Variants in CTH observed in about 807,000 individuals in gnomAD.
The protein encoded by CTH is cystathionase (cystathionine gamma-lyase).
In CTH, 41 loss-of-function variants were observed where a neutral mutation model predicts 50.6. The observed-to-expected ratio is 0.81, with a 90% CI of 0.63 to 1.05. CTH has a LOEUF of 1.05. Ranked by LOEUF, CTH falls within the 50% of genes least tolerant of loss-of-function variation. CTH has a pLI of 0.00. For missense variants in CTH, 470 were observed against 492.6 expected (o/e 0.95, Z 0.43); for synonymous variants, 156 against 168.9 (o/e 0.92, Z 0.59).
At chr1:70,429,726 A>C in intron 5 of CTH, 68 bp from the exon 6 acceptor site, 1 of 1,089,412 alleles carries the variant, frequency 9.2e-7, no homozygotes, top group Admixed American at 1.8e-5. Context: ...TTATAATTGC[A>C]AATAGGCAGG....
chr1:70,425,773 A>C (rs1684334137), intron 5 of CTH, among the ~76,000 whole-genome samples: 1 of 152,074 alleles, frequency 6.6e-6, no homozygotes, highest in South Asian at 2.1e-4. Flanking sequence ...ACAAGAACTC[A>C]CTCACAATTG....
At chr1:70,414,230 C>T (rs1684038691) in intron 1 of CTH, among the ~76,000 whole-genome samples, 1 of 150,376 alleles carries the variant, frequency 6.6e-6, no homozygotes, top group East Asian at 2.0e-4. Flanking sequence ...TATGTCTGCT[C>T]AGGTTGGGCG....
chr1:70,421,789 T>C (rs888546871), intron 4 of CTH, 114 bp downstream of exon 4: 1 of 1,083,380 alleles, frequency 9.2e-7, no homozygotes, highest in Non-Finnish European at 1.4e-6. Flanking sequence ...TTTTATGCCA[T>C]TGGAAACATC....
rs1490541118 is a variant in CTH at position 70,411,746 on chromosome 1, A to G, written c.168+163A>G. On this transcript the variant is annotated intron_variant, in intron 1 of 11. Coordinates refer to ENST00000370938, the MANE Select transcript of CTH (RefSeq NM_001902.6). ...TTCTTGCAGCACAGCTTTGTATCGG[A>G]TGGTCCAGTGATCGTATTTCTTTTG... 3.3e-6 allele frequency: 3 copies of G among 906,114 alleles called. No homozygotes were observed. In the African/African-American group the frequency reaches 5.4e-5, roughly 16 times the overall value. The allele number at this position is 906,114 out of a possible 1,614,324, so 56.1% of individuals were successfully genotyped here.
At chr1:70,415,491 A>G (rs1435200371) in intron 1 of CTH, among the ~76,000 whole-genome samples, 1 of 152,222 alleles carries the variant, frequency 6.6e-6, no homozygotes, top group African/African-American at 2.4e-5. Flanking sequence ...TGGCTCATGC[A>G]AGTCCCTTTT....
rs1168674927 is a variant in CTH at position 70,411,311 on chromosome 1, G to A, written c.-105G>A. The A allele has an allele frequency of 5.1e-6, 6 of 1,176,510 alleles. No individual in the cohort carries two copies. The highest frequency in any genetic ancestry group is 7.7e-6 in the Non-Finnish European group (6 of 781,466). 72.9% of individuals were successfully genotyped at this position (1,176,510 alleles called of 1,614,324 possible). On this transcript the variant is annotated 5_prime_UTR_variant, in exon 1 of 12. Coordinates refer to ENST00000370938, the MANE Select transcript of CTH (RefSeq NM_001902.6). ...CCGTCGGCTCTACCTGCGTGCTTTA[G>A]CTCCTTCTCGCCTGATCCTTCTGTC...
chr1:70,419,843 A>G (rs988714210), intron 3 of CTH, among the ~76,000 whole-genome samples: 1 of 152,260 alleles, frequency 6.6e-6, no homozygotes, highest in Non-Finnish European at 1.5e-5. Flanking sequence ...TTGTGAATAT[A>G]CATATACATA....
At chr1:70,416,142 A>G (rs1009492732) in intron 2 of CTH, 105 bp downstream of exon 2, 15 of 757,372 alleles carry the variant, frequency 2.0e-5, no homozygotes, top group African/African-American at 1.7e-5. Context: ...TGCTAGTTCA[A>G]AATTCCTGTT....
At chr1:70,413,822 T>G (rs61782717) in intron 1 of CTH, among the ~76,000 whole-genome samples, 5,180 of 146,462 alleles carry the variant, frequency 0.035, 127 homozygotes, top group South Asian at 0.12. Flanking sequence ...GCCCACTGCA[T>G]CCTCCACCTC....
chr1:70,419,148 A>G (rs139903427), intron 3 of CTH, among the ~76,000 whole-genome samples: 3,468 of 152,160 alleles, frequency 0.023, 135 homozygotes, highest in African/African-American at 0.079. Flanking sequence ...TACAAAGGAC[A>G]TGAACTCATC....
intron 5 of CTH, among the ~76,000 whole-genome samples, chr1:70,426,061 C>T (rs1446023912): frequency 3.3e-5 from 5 of 152,166 alleles, no homozygotes; most frequent in East Asian, 1.9e-4. Context: ...AGATTTCTTT[C>T]GCTACCTAGC....
At chr1:70,415,206 G>T (rs1032425607) in intron 1 of CTH, among the ~76,000 whole-genome samples, 4 of 152,146 alleles carry the variant, frequency 2.6e-5, no homozygotes, top group Non-Finnish European at 4.4e-5. Flanking sequence ...TTCAAGACCA[G>T]CCTGGGCAAC....
intron 2 of CTH, among the ~76,000 whole-genome samples, chr1:70,416,273 A>G (rs1684090098): frequency 6.6e-6 from 1 of 152,222 alleles, no homozygotes; most frequent in Non-Finnish European, 1.5e-5. Flanking sequence ...ATTCACACGA[A>G]TACTACATTT....
At chr1:70,417,260 T>G (rs1396863404) in intron 2 of CTH, among the ~76,000 whole-genome samples, 2 of 152,060 alleles carry the variant, frequency 1.3e-5, no homozygotes, top group Admixed American at 6.6e-5. Context: ...ATCTTTGCTC[T>G]ATTCTTTATG....
intron 6 of CTH, among the ~76,000 whole-genome samples, 197 bp downstream of exon 6, chr1:70,430,048 G>C (rs1219677715): frequency 6.6e-6 from 1 of 152,110 alleles, no homozygotes; most frequent in African/African-American, 2.4e-5. Context: ...TATGAGAAGA[G>C]GATTAAAGTT....
At chr1:70,428,194 G>A (rs12133065) in intron 5 of CTH, among the ~76,000 whole-genome samples, 32,864 of 152,062 alleles carry the variant, frequency 0.22, 4,062 homozygotes, top group Admixed American at 0.32. Flanking sequence ...TCTCATAGAA[G>A]TAGTGAATAG....
At chr1:70,420,795 T>C (rs1684203027) in intron 3 of CTH, among the ~76,000 whole-genome samples, 1 of 152,188 alleles carries the variant, frequency 6.6e-6, no homozygotes, top group Non-Finnish European at 1.5e-5. Context: ...TATAAAAGTC[T>C]CATGGCAAAC....
chr1:70,428,329 A>G (rs1684392354), intron 5 of CTH, among the ~76,000 whole-genome samples: 1 of 152,152 alleles, frequency 6.6e-6, no homozygotes, highest in Non-Finnish European at 1.5e-5. Flanking sequence ...CTACTGCACA[A>G]AAGGATGATC....
intron 3 of CTH, 125 bp downstream of exon 3, chr1:70,418,157 A>G (rs1145920): frequency 0.76 from 874,659 of 1,157,582 alleles, 331,197 homozygotes; most frequent in Admixed American, 0.85. Context: ...CAGGTGTGAC[A>G]GGTACCTCTA....
Sources: allele counts gnomAD v4.1 joint callset (sites outside exome capture counted in the v4.1 genomes callset), GRCh38; gene constraint gnomAD v4.1.1; transcripts MANE v1.5; gene names NCBI Gene and HGNC (gene_info 2026-07-23, HGNC 2026-07-21).